Variants in ZNF385D observed in about 807,000 individuals in gnomAD.
ZNF385D encodes the protein zinc finger protein 659.
In ZNF385D, 15 loss-of-function variants were observed where a neutral mutation model predicts 35.8. The observed-to-expected ratio is 0.42, with a 90% CI of 0.28 to 0.64. The LOEUF (loss-of-function observed/expected upper bound fraction) is 0.64, where lower values mean the gene tolerates loss of function less well. Among genes scored for constraint, ZNF385D ranks in the 30% least tolerant of loss-of-function variants. The pLI is 0.23. For synonymous variants in ZNF385D, 212 were observed against 186.8 expected (o/e 1.13, Z -1.10); for missense variants, 474 against 494.6 (o/e 0.96, Z 0.39).
At chr3:21,754,974 G>C (rs1335749661), upstream of ZNF385D, among the ~76,000 whole-genome samples, 1 of 152,210 alleles carries the variant, frequency 6.6e-6, no homozygotes, top group African/African-American at 2.4e-5. Flanking sequence ...TGTGCAAAGT[G>C]TTCACACAAA....
chr3:22,169,164 T>A, intron 2 of ZNF385D: 1 of 230,364 alleles, frequency 4.3e-6, no homozygotes, highest in Non-Finnish European at 7.2e-6. Flanking sequence ...ACTCTCATTT[T>A]AATAGATTGC....
chr3:21,800,456 G>C (rs1038487844), intron 3 of ZNF385D, among the ~76,000 whole-genome samples: 12 of 152,048 alleles, frequency 7.9e-5, no homozygotes, highest in Admixed American at 3.9e-4. Flanking sequence ...CAGAATAAAA[G>C]TTGAACATCT....
At chr3:22,209,717 T>C (rs1697392263) in intron 2 of ZNF385D, among the ~76,000 whole-genome samples, 1 of 151,432 alleles carries the variant, frequency 6.6e-6, no homozygotes, top group Non-Finnish European at 1.5e-5. Flanking sequence ...ATCCTTTAGG[T>C]ACACTCATTT....
chr3:21,454,210 G>T (rs1181447725), intron 4 of ZNF385D, among the ~76,000 whole-genome samples: 1 of 151,900 alleles, frequency 6.6e-6, no homozygotes, highest in Non-Finnish European at 1.5e-5. Flanking sequence ...GAGAAAAGGG[G>T]GAATTAAGAG....
At chr3:21,808,022 T>C (rs564032009) in intron 3 of ZNF385D, among the ~76,000 whole-genome samples, 3 of 152,286 alleles carry the variant, frequency 2.0e-5, no homozygotes, top group South Asian at 2.1e-4. Context: ...GAAAATAGAA[T>C]TGCTAAGTAG....
chr3:21,413,048 A>C lies in ZNF385D; in HGVS notation c.*8166T>G. 1 of 152,108 alleles carries C rather than the reference A, an allele frequency of 6.6e-6. No homozygotes were observed. The highest frequency in any genetic ancestry group is 2.1e-4 in the South Asian group (1 of 4,826). 9.4% of individuals were successfully genotyped at this position (152,108 alleles called of 1,614,324 possible). ...TATTATTATTACTTTTTTTCAAGAAAAAATAGTACTTTACTGGTATACAAA... is the reference window on the plus strand; with the variant it reads ...TATTATTATTACTTTTTTTCAAGAACAAATAGTACTTTACTGGTATACAAA... On this transcript the variant is annotated 3_prime_UTR_variant, in exon 8 of 8. Coordinates refer to ENST00000281523, the MANE Select transcript of ZNF385D (RefSeq NM_024697.3).
At chr3:21,810,890 A>G (rs924624104) in intron 3 of ZNF385D, among the ~76,000 whole-genome samples, 1 of 151,700 alleles carries the variant, frequency 6.6e-6, no homozygotes, top group Non-Finnish European at 1.5e-5. Flanking sequence ...TAAATGGTAA[A>G]TTGTTTATAT....
Position 22,169,107 on chromosome 3 carries a change from T to C in ZNF385D, c.107-72A>G, listed in dbSNP as rs183059334. ...ATTACTGCATATTTATTAAATTGGG[T>C]GGCAAATAAGGATTGTTCTACACAC... is the stretch of plus-strand genomic sequence containing the variant. On this transcript the variant is annotated intron_variant, in intron 2 of 5. Transcript: ENST00000494108. The C allele has an allele frequency of 1.5e-3, 1,051 of 719,722 alleles. 7 individuals carry two copies. In the African/African-American group the frequency reaches 0.019, roughly 13 times the overall value. 44.6% of individuals were successfully genotyped at this position (719,722 alleles called of 1,614,324 possible). A position where few individuals can be genotyped will look rare whatever the true frequency, so the allele number is the denominator to read the frequency against.
intron 3 of ZNF385D, among the ~76,000 whole-genome samples, chr3:22,090,521 C>A (rs578257973): frequency 3.9e-5 from 6 of 151,918 alleles, no homozygotes; most frequent in Non-Finnish European, 8.8e-5. Flanking sequence ...AAAAAATAAG[C>A]TCTCAGTTCA....
At chr3:21,520,579 A>T (rs967377934) in intron 3 of ZNF385D, among the ~76,000 whole-genome samples, 5 of 152,076 alleles carry the variant, frequency 3.3e-5, no homozygotes, top group African/African-American at 1.2e-4. Flanking sequence ...ACAAACTATT[A>T]TTTTTTCTCT....
chr3:21,841,476 C>T (rs1009922418), intron 3 of ZNF385D, among the ~76,000 whole-genome samples: 8 of 151,942 alleles, frequency 5.3e-5, no homozygotes, highest in Non-Finnish European at 1.0e-4. Context: ...TATCTTCCCA[C>T]GGAGCATTCT....
intron 3 of ZNF385D, among the ~76,000 whole-genome samples, chr3:22,159,553 T>C (rs1265365824): frequency 6.6e-6 from 1 of 152,044 alleles, no homozygotes; most frequent in East Asian, 1.9e-4. Flanking sequence ...CAAAAGACAG[T>C]GCCCTTCAAT....
rs183449115 is a variant in ZNF385D, at chr3:22,342,200, C to A, written c.106+30250G>T. On this transcript the variant is annotated intron_variant, in intron 2 of 5. Transcript: ENST00000494108. ...ACTGAGGCAGGAGAATGGCGTGAACCCAGGAGGCGGAGCTTGCAGTGAGCC... is the reference window on the plus strand; with the variant it reads ...ACTGAGGCAGGAGAATGGCGTGAACACAGGAGGCGGAGCTTGCAGTGAGCC... 6.6e-3 allele frequency among the ~76,000 whole-genome samples: 978 copies of A among 147,326 alleles called. 8 individuals carry two copies. Among genetic ancestry groups the A allele is most frequent in the Non-Finnish European group, 8.1e-3 (549 of 67,722 alleles).
chr3:21,949,306 G>T (rs1232168854), intron 3 of ZNF385D, among the ~76,000 whole-genome samples: 1 of 152,118 alleles, frequency 6.6e-6, no homozygotes, highest in Non-Finnish European at 1.5e-5. Context: ...GTTTGTGTCT[G>T]TGTGTGCACA....
intron 2 of ZNF385D, among the ~76,000 whole-genome samples, chr3:22,271,319 AATTT>A (rs1372128099): frequency 1.3e-5 from 2 of 151,984 alleles, no homozygotes; most frequent in African/African-American, 4.8e-5. Context: ...GGAGAAGACT[AATTT>A]GGATTCATTT....
intron 2 of ZNF385D, among the ~76,000 whole-genome samples, chr3:21,586,258 C>T (rs1022606095): frequency 1.3e-5 from 2 of 152,046 alleles, no homozygotes; most frequent in Non-Finnish European, 2.9e-5. Flanking sequence ...GGTGGGTAGG[C>T]CTGTATTGGC....
At chr3:22,211,619 T>C (rs1240144130) in intron 2 of ZNF385D, among the ~76,000 whole-genome samples, 1 of 151,858 alleles carries the variant, frequency 6.6e-6, no homozygotes, top group Non-Finnish European at 1.5e-5. Context: ...CAAGTCTATA[T>C]AGAAAGAAAG....
rs554416809 is a variant in ZNF385D at position 22,360,517 on chromosome 3, A to G, written c.106+11933T>C. Reference sequence around the variant, plus strand: ...ACTCGAGGATAATCATCCAAATTTTAATAATATATTAATTTTATCATTTCT... The same window carrying G: ...ACTCGAGGATAATCATCCAAATTTTGATAATATATTAATTTTATCATTTCT... On this transcript the variant is annotated intron_variant, in intron 2 of 5. Coordinates refer to the ZNF385D transcript ENST00000494108. Among the ~76,000 whole-genome samples the G allele has an allele frequency of 3.6e-4, 55 of 152,078 alleles. 2 individuals are homozygous for G. In the South Asian group the frequency reaches 0.011, roughly 29 times the overall value.
chr3:22,202,117 TTTTTAA>T (rs1487870411), intron 2 of ZNF385D, among the ~76,000 whole-genome samples: 5 of 152,086 alleles, frequency 3.3e-5, no homozygotes, highest in South Asian at 4.1e-4. Flanking sequence ...TTAGTTCAAT[TTTTTAA>T]TTTTATTTTT....
Sources: gnomAD v4.1 joint callset for allele counts (sites outside exome capture counted in the v4.1 genomes callset) on GRCh38, gnomAD v4.1.1 for gene constraint, MANE v1.5 for transcripts, NCBI Gene and HGNC (gene_info 2026-07-23, HGNC 2026-07-21) for gene names.